B4GALT1: variants seen among roughly 807,000 people sequenced by gnomAD.
The protein encoded by B4GALT1 is N-acetyllactosamine synthase.
In B4GALT1, 16 loss-of-function variants were observed where a neutral mutation model predicts 34.9. The observed-to-expected ratio is 0.46, with a 90% CI of 0.31 to 0.70. The LOEUF is 0.70. B4GALT1 is among the 30% of genes least tolerant of loss of function. The pLI, the probability that B4GALT1 is intolerant of heterozygous loss-of-function variation, is 0.05. For synonymous variants in B4GALT1, 221 were observed against 218.1 expected (o/e 1.01, Z -0.12); for missense variants, 445 against 530.5 (o/e 0.84, Z 1.58).
intron 1 of B4GALT1, among the ~76,000 whole-genome samples, chr9:33,153,447 A>G (rs1015380652): frequency 3.3e-5 from 5 of 152,224 alleles, no homozygotes; most frequent in African/African-American, 1.2e-4. Flanking sequence ...GGTCCTCTGA[A>G]AAGATCAATA....
chr9:33,143,314 C>T (rs968299416), intron 1 of B4GALT1, among the ~76,000 whole-genome samples: 3 of 152,214 alleles, frequency 2.0e-5, no homozygotes, highest in Admixed American at 1.3e-4. Flanking sequence ...TGACCTGCCA[C>T]ACTTGGTAGT....
intron 4 of B4GALT1, among the ~76,000 whole-genome samples, chr9:33,115,165 GACGTGGGTCTC>G (rs1839921335): frequency 6.6e-6 from 1 of 152,246 alleles, no homozygotes; most frequent in Admixed American, 6.5e-5. Flanking sequence ...TTATATTGAA[GACGTGGGTCTC>G]TGTTAAGTTT....
At chr9:33,183,433 A>G in the B4GALT1 span, among the ~76,000 whole-genome samples, 1 of 145,790 alleles carries the variant, frequency 6.9e-6, no homozygotes, top group Non-Finnish European at 1.5e-5. Flanking sequence ...GCACATATAC[A>G]CCATGGAATA....
chr9:33,163,882 G>A (rs1379698170), intron 1 of B4GALT1, among the ~76,000 whole-genome samples: 2 of 152,228 alleles, frequency 1.3e-5, no homozygotes, highest in Non-Finnish European at 2.9e-5. Context: ...CTCAGGAAAG[G>A]CCCCCCTTCC....
chr9:33,118,378 C>CA (rs1564037124), intron 3 of B4GALT1, among the ~76,000 whole-genome samples: 1 of 152,078 alleles, frequency 6.6e-6, no homozygotes, highest in Non-Finnish European at 1.5e-5. Context: ...TGTTGCATCT[C>CA]AGCAGGTGCA....
exon 3 of B4GALT1, chr9:33,104,750 C>A: frequency 2.2e-6 from 1 of 456,040 alleles, no homozygotes; most frequent in Non-Finnish European, 4.4e-6. Context: ...CAGGCGAAGC[C>A]TTCACCACAG....
intron 3 of B4GALT1, among the ~76,000 whole-genome samples, chr9:33,118,517 T>TA: frequency 6.6e-6 from 1 of 151,450 alleles, no homozygotes; most frequent in East Asian, 1.9e-4. Flanking sequence ...TTTTTTTTTT[T>TA]AAATCAGCCA....
At chr9:33,118,688 G>GA (rs886575281) in intron 3 of B4GALT1, among the ~76,000 whole-genome samples, 1 of 151,322 alleles carries the variant, frequency 6.6e-6, no homozygotes, top group Non-Finnish European at 1.5e-5. Flanking sequence ...AAAAGAAAAA[G>GA]AAAAAAAGTT....
chr9:33,182,633 A>G, the B4GALT1 span, among the ~76,000 whole-genome samples: 4 of 152,156 alleles, frequency 2.6e-5, no homozygotes, highest in Non-Finnish European at 4.4e-5. Flanking sequence ...CTTTTGCAAA[A>G]TTAAAAAATC....
chr9:33,134,838 T>G (rs1305546098), intron 2 of B4GALT1, among the ~76,000 whole-genome samples: 3 of 152,174 alleles, frequency 2.0e-5, no homozygotes, highest in Admixed American at 6.5e-5. Flanking sequence ...GGTTTTATTT[T>G]TAAAAGGAAA....
chr9:33,140,859 G>C (rs560672554), intron 1 of B4GALT1, among the ~76,000 whole-genome samples: 2 of 152,384 alleles, frequency 1.3e-5, no homozygotes, highest in South Asian at 2.1e-4. Context: ...CAGCATTCTC[G>C]TGAAATCACG....
At position 33,134,030 on chromosome 9, in the gene B4GALT1, C is replaced by T. The variant is rs149976976; in HGVS notation, c.648+1159G>A. Reference sequence around the variant, plus strand: ...AAGCATTTGGCAGCCACCATCCAATCACAGGATATTTGGGTCTGTTAACAA... The same window carrying T: ...AAGCATTTGGCAGCCACCATCCAATTACAGGATATTTGGGTCTGTTAACAA... On this transcript the variant is annotated intron_variant, in intron 2 of 5. Coordinates refer to ENST00000379731, the MANE Select transcript of B4GALT1 (RefSeq NM_001497.4). Among the ~76,000 whole-genome samples the T allele has an allele frequency of 1.3e-4, 20 of 152,358 alleles. No homozygotes were observed. The East Asian group carries it at 3.9e-3, about 29-fold the overall frequency.
chr9:33,142,263 G>A (rs1240169668), intron 1 of B4GALT1, among the ~76,000 whole-genome samples: 1 of 152,182 alleles, frequency 6.6e-6, no homozygotes. Context: ...TTACAGGCAC[G>A]AGCCACCGCG....
At chr9:33,109,970 C>T (rs1438030932), downstream of B4GALT1, among the ~76,000 whole-genome samples, 6 of 152,324 alleles carry the variant, frequency 3.9e-5, no homozygotes, top group East Asian at 1.2e-3. Context: ...CCAGAGTTGT[C>T]CTGTTTGAAG....
At chr9:33,157,121 T>TATACACACAC (rs1840607256) in intron 1 of B4GALT1, among the ~76,000 whole-genome samples, 1 of 113,228 alleles carries the variant, frequency 8.8e-6, no homozygotes, top group Admixed American at 8.8e-5. Context: ...CATAGGGAAC[T>TATACACACAC]ACACACACAC....
chr9:33,123,756 T>C lies in B4GALT1; in HGVS notation c.649-3150A>G, dbSNP rs111689544. ...TTTCCTCTCCCAGGAATTGGAATTT[T>C]GGAACCACGAATGAGCACCTCTGCA... On this transcript the variant is annotated intron_variant, in intron 2 of 5. Transcript: ENST00000379731. Among the ~76,000 whole-genome samples, 1,490 of 152,282 alleles carry C rather than the reference T, an allele frequency of 9.8e-3. 24 individuals carry two copies. The highest frequency in any genetic ancestry group is 0.034 in the African/African-American group (1,403 of 41,546).
chr9:33,118,442 T>C (rs1839971975), intron 3 of B4GALT1, among the ~76,000 whole-genome samples: 1 of 152,054 alleles, frequency 6.6e-6, no homozygotes, highest in Non-Finnish European at 1.5e-5. Flanking sequence ...GGAGGATTGC[T>C]TGAGCCCCCA....
At chr9:33,176,154 A>G in the B4GALT1 span, among the ~76,000 whole-genome samples, 32 of 152,266 alleles carry the variant, frequency 2.1e-4, no homozygotes, top group African/African-American at 7.7e-4. Context: ...TCTTGGCTCC[A>G]TCCTTTGAGT....
chr9:33,134,122 G>A (rs1001864228), intron 2 of B4GALT1, among the ~76,000 whole-genome samples: 2 of 152,218 alleles, frequency 1.3e-5, no homozygotes, highest in African/African-American at 4.8e-5. Context: ...GCAGGACTGA[G>A]ACCTTACACT....
Sources: gnomAD v4.1 joint callset for allele counts (sites outside exome capture counted in the v4.1 genomes callset) on GRCh38, gnomAD v4.1.1 for gene constraint, MANE v1.5 for transcripts, NCBI Gene and HGNC (gene_info 2026-07-23, HGNC 2026-07-21) for gene names.